The following PLCB4 variants were observed in gnomAD, a reference collection of about 807,000 sequenced individuals.
PLCB4 encodes phospholipase C beta 4.
PLCB4 carries 77 observed loss-of-function variants against 178.8 expected under a neutral mutation model. The ratio of observed to expected loss-of-function variants is 0.43; its 90% CI spans 0.36 to 0.52. The LOEUF (loss-of-function observed/expected upper bound fraction) is 0.52. Ranked by LOEUF, PLCB4 falls within the 20% of genes least tolerant of loss-of-function variation. The pLI, the probability that PLCB4 is intolerant of heterozygous loss-of-function variation, is 0.00. For missense variants in PLCB4, 1,024 were observed against 1,453.4 expected (o/e 0.70, Z 4.80); for synonymous variants, 496 against 490.8 (o/e 1.01, Z -0.14).
chr20:9,204,411 T>G (rs1260030719), intron 2 of PLCB4, among the ~76,000 whole-genome samples: 6 of 152,036 alleles, frequency 3.9e-5, no homozygotes. Flanking sequence ...CAGGCTGGAG[T>G]GCAGTGACAC....
At chr20:9,322,017 A>G (rs1387557349) in intron 4 of PLCB4, among the ~76,000 whole-genome samples, 1 of 148,492 alleles carries the variant, frequency 6.7e-6, no homozygotes, top group Non-Finnish European at 1.5e-5. Context: ...GCACAATCAT[A>G]GCTTACTGCA....
At chr20:9,119,783 A>G (rs1311189153) in intron 2 of PLCB4, among the ~76,000 whole-genome samples, 2 of 152,242 alleles carry the variant, frequency 1.3e-5, no homozygotes, top group African/African-American at 4.8e-5. Flanking sequence ...GGTAAGTTTT[A>G]TAACTCATCT....
intron 3 of PLCB4, among the ~76,000 whole-genome samples, chr20:9,296,859 G>A (rs976038869): frequency 1.3e-4 from 20 of 152,212 alleles, no homozygotes; most frequent in Non-Finnish European, 2.5e-4. Context: ...GGCCTGTTGT[G>A]GGGTTGGGGG....
intron 1 of PLCB4, among the ~76,000 whole-genome samples, chr20:9,095,011 G>C (rs916184200): frequency 6.6e-6 from 1 of 152,148 alleles, no homozygotes; most frequent in African/African-American, 2.4e-5. Flanking sequence ...AGCAAGAGAG[G>C]AAAGGCCCCA....
intron 28 of PLCB4, among the ~76,000 whole-genome samples, chr20:9,434,330 A>G (rs1032604068): frequency 7.2e-5 from 11 of 152,122 alleles, no homozygotes; most frequent in Non-Finnish European, 1.2e-4. Context: ...TTCATTTTAT[A>G]TATTTGAATG....
chr20:9,098,650 A>G (rs566799172), intron 2 of PLCB4, among the ~76,000 whole-genome samples: 1 of 150,950 alleles, frequency 6.6e-6, no homozygotes, highest in African/African-American at 2.4e-5. Flanking sequence ...ATATACGTAT[A>G]TATGTTAGTC....
intron 3 of PLCB4, among the ~76,000 whole-genome samples, chr20:9,238,663 A>T (rs1202336193): frequency 6.6e-6 from 1 of 152,224 alleles, no homozygotes; most frequent in African/African-American, 2.4e-5. Context: ...CTCATGACTG[A>T]GGCTTTTAGT....
Position 9,435,580 on chromosome 20 carries a change from G to T in PLCB4, c.2545G>T (p.Asp849Tyr). The T allele has an allele frequency of 6.2e-7, 1 of 1,604,712 alleles. No homozygotes were observed. The highest frequency in any genetic ancestry group is 2.2e-5 in the East Asian group (1 of 44,792). The change falls in exon 29 of 40, where the codon GAT becomes TAT. Residue 849 changes from aspartate to tyrosine, a missense_variant. Physicochemically the swap from Asp to Tyr is radical, Grantham distance 160 (BLOSUM62 -3). Transcript: ENST00000378473. ...GFGDIVDALS[D>Y]PKKFLSITEK... is the part of the protein sequence containing the mutation. Reference sequence around the variant, plus strand: ...CCTAGATATCGTGGATGCTTTATCAGATCCAAAGAAATTTCTCTCAATTAC... The same window carrying T: ...CCTAGATATCGTGGATGCTTTATCATATCCAAAGAAATTTCTCTCAATTAC...
chr20:9,403,043 G>A (rs2039158061), intron 20 of PLCB4, among the ~76,000 whole-genome samples: 1 of 152,096 alleles, frequency 6.6e-6, no homozygotes, highest in African/African-American at 2.4e-5. Context: ...CTATTTCATG[G>A]GGTCACTGTG....
At chr20:9,435,485 T>C in intron 28 of PLCB4, 75 bp from the exon 29 acceptor site, 1 of 881,902 alleles carries the variant, frequency 1.1e-6, no homozygotes, top group East Asian at 2.4e-5. Flanking sequence ...GATTGTAGTT[T>C]ATTAAGCAGA....
chr20:9,119,290 T>C (rs543245653), intron 2 of PLCB4, among the ~76,000 whole-genome samples: 1 of 152,314 alleles, frequency 6.6e-6, no homozygotes, highest in South Asian at 2.1e-4. Context: ...GGACTTCCAA[T>C]GTGGACTTTT....
intron 3 of PLCB4, among the ~76,000 whole-genome samples, chr20:9,286,350 T>G (rs1478062205): frequency 6.6e-6 from 1 of 151,964 alleles, no homozygotes; most frequent in Non-Finnish European, 1.5e-5. Flanking sequence ...AAGAAGTATG[T>G]GTTTATCATA....
At chr20:9,118,230 C>T (rs865953117) in intron 2 of PLCB4, among the ~76,000 whole-genome samples, 1 of 107,038 alleles carries the variant, frequency 9.3e-6, no homozygotes, top group Non-Finnish European at 1.7e-5. Flanking sequence ...CCTCCCCCCA[C>T]CCCACCACAG....
chr20:9,151,648 C>G (rs924480225), intron 2 of PLCB4, among the ~76,000 whole-genome samples: 2 of 152,092 alleles, frequency 1.3e-5, no homozygotes, highest in African/African-American at 4.8e-5. Context: ...CCAATTAAAC[C>G]TTTTTTTCTT....
intron 3 of PLCB4, among the ~76,000 whole-genome samples, chr20:9,259,688 A>G (rs2094277154): frequency 6.6e-6 from 1 of 151,974 alleles, no homozygotes; most frequent in East Asian, 1.9e-4. Flanking sequence ...CTAAAGATAC[A>G]CTCTTCAACC....
chr20:9,092,495 T>C (rs988775945), intron 1 of PLCB4, among the ~76,000 whole-genome samples: 1 of 152,152 alleles, frequency 6.6e-6, no homozygotes, highest in South Asian at 2.1e-4. Flanking sequence ...TGAGCAGTTA[T>C]AGGGTGCATC....
At chr20:9,298,301 G>A (rs765449658) in intron 3 of PLCB4, among the ~76,000 whole-genome samples, 1 of 152,014 alleles carries the variant, frequency 6.6e-6, no homozygotes, top group African/African-American at 2.4e-5. Context: ...CTCAATTTCT[G>A]TCTTTGTTTC....
rs1041182655 is a variant in PLCB4 at position 9,413,456 on chromosome 20, G to A, written c.2051+2368G>A. Among the ~76,000 whole-genome samples the A allele has an allele frequency of 9.2e-5, 14 of 152,000 alleles. 1 individual carries two copies. Among genetic ancestry groups the A allele is most frequent in the South Asian group, 6.2e-4 (3 of 4,808 alleles). On this transcript the variant is annotated intron_variant, in intron 25 of 39. Coordinates refer to ENST00000378473, the MANE Select transcript of PLCB4 (RefSeq NM_001377142.1). ...GGGCAGATCACAAGGTTAGGAGATC[G>A]AGACCATCCTGGCTAACACGGCGAA...
intron 35 of PLCB4, among the ~76,000 whole-genome samples, chr20:9,467,292 G>A (rs2043857780): frequency 6.6e-6 from 1 of 152,254 alleles, no homozygotes; most frequent in East Asian, 1.9e-4. Flanking sequence ...GTGGGGGACT[G>A]GGGGAGGGAT....
Sources: allele counts gnomAD v4.1 joint callset (sites outside exome capture counted in the v4.1 genomes callset), GRCh38; gene constraint gnomAD v4.1.1; transcripts MANE v1.5; gene names NCBI Gene and HGNC (gene_info 2026-07-23, HGNC 2026-07-21).